The following MYO9A variants were observed in gnomAD, a reference collection of about 807,000 sequenced individuals.
MYO9A encodes myosin IXA.
A neutral mutation model predicts 293.3 loss-of-function variants in MYO9A; 103 were observed. The ratio of observed to expected loss-of-function variants is 0.35; its 90% CI spans 0.30 to 0.41. The LOEUF is 0.41. Ranked by LOEUF, MYO9A falls within the 10% of genes least tolerant of loss-of-function variation. The pLI is 1.00. For synonymous variants in MYO9A, 1,001 were observed against 1,035.7 expected (o/e 0.97, Z 0.64); for missense variants, 2,685 against 3,033.0 (o/e 0.89, Z 2.69).
In MYO9A at chr15:72,013,653, A is replaced by G. The variant is rs185177633; in HGVS notation, c.1156-3206T>C. Among the ~76,000 whole-genome samples, 14 of 152,304 alleles carry G rather than the reference A, an allele frequency of 9.2e-5. No individual in the cohort carries two copies. The East Asian group carries it at 2.1e-3, about 23-fold the overall frequency. On this transcript the variant is annotated intron_variant, in intron 6 of 41. Transcript: ENST00000356056. ...CCTTGCTCTTTCTGTAAGGTGACAC[A>G]CTTTCCCATTTACAAATGCCTAGGA...
At chr15:71,879,329 C>A (rs530214312) in intron 30 of MYO9A, among the ~76,000 whole-genome samples, 1 of 152,150 alleles carries the variant, frequency 6.6e-6, no homozygotes. Context: ...TGCCCTAATT[C>A]CATTAAAAGA....
At chr15:71,906,771 T>C (rs2057665275) in intron 19 of MYO9A, among the ~76,000 whole-genome samples, 1 of 119,682 alleles carries the variant, frequency 8.4e-6, no homozygotes, top group East Asian at 2.2e-4. Flanking sequence ...TTTTTTTTTT[T>C]TTTTTTTCCT....
chr15:72,037,410 T>A (rs1566971235), intron 2 of MYO9A, among the ~76,000 whole-genome samples: 1 of 152,120 alleles, frequency 6.6e-6, no homozygotes, highest in East Asian at 1.9e-4. Flanking sequence ...CCAGGATATG[T>A]CGATGCTCAC....
At chr15:72,003,984 TTACC>T (rs1396336554) in intron 8 of MYO9A, among the ~76,000 whole-genome samples, 3 of 152,124 alleles carry the variant, frequency 2.0e-5, no homozygotes, top group Non-Finnish European at 4.4e-5. Context: ...TGAGTTCTCT[TTACC>T]TAGCACAAAA....
chr15:71,935,153 G>T, intron 17 of MYO9A, 188 bp downstream of exon 17: 1 of 546,382 alleles, frequency 1.8e-6, no homozygotes, highest in Non-Finnish European at 3.0e-6. Context: ...AAAAACACAA[G>T]CTTTATAACA....
rs2078382386 is a variant in MYO9A, at chr15:72,046,274, C to A, written c.290G>T (p.Arg97Leu). The A allele has an allele frequency of 1.2e-6, 2 of 1,613,976 alleles. No homozygotes were observed. The highest frequency in any genetic ancestry group is 2.2e-5 in the East Asian group (1 of 44,878). Residue 97 changes from arginine to leucine, a missense_variant, in exon 2 of 42, where the codon CGC becomes CTC. Transcript: ENST00000356056. Reference sequence around the variant, plus strand: ...GAAGCGGTAGTCCTCTCCACTTAAGCGATTTTCCAGAGCCATTCGGGGCCA... The same window carrying A: ...GAAGCGGTAGTCCTCTCCACTTAAGAGATTTTCCAGAGCCATTCGGGGCCA... The part of the protein sequence containing the change: ...MLWPRMALEN[R>L]LSGEDYRFLL...
intron 18 of MYO9A, among the ~76,000 whole-genome samples, chr15:71,922,508 A>T: frequency 6.6e-6 from 1 of 152,208 alleles, no homozygotes; most frequent in East Asian, 1.9e-4. Flanking sequence ...TATATAATAC[A>T]TTATTATGAA....
At chr15:71,890,589 A>T (rs1337832927) in intron 26 of MYO9A, 1 of 152,206 alleles carries the variant, frequency 6.6e-6, no homozygotes, top group Non-Finnish European at 1.5e-5. Flanking sequence ...ATGGAGTGAG[A>T]GCAGCACATA....
intron 2 of MYO9A, among the ~76,000 whole-genome samples, chr15:72,044,006 A>G (rs1006634725): frequency 6.7e-6 from 1 of 149,206 alleles, no homozygotes; most frequent in Non-Finnish European, 1.5e-5. Flanking sequence ...ATGTTTTCAT[A>G]TATGTCTGCA....
chr15:72,093,223 A>C (rs1312808007), intron 1 of MYO9A, among the ~76,000 whole-genome samples: 1 of 152,192 alleles, frequency 6.6e-6, no homozygotes, highest in Non-Finnish European at 1.5e-5. Flanking sequence ...GAGGGGAAAG[A>C]ATCATTAAAA....
chr15:72,047,697 T>C (rs1046725641), intron 1 of MYO9A, among the ~76,000 whole-genome samples: 1 of 151,926 alleles, frequency 6.6e-6, no homozygotes, highest in African/African-American at 2.4e-5. Context: ...ATATTTACCT[T>C]ATTTATTTCA....
At chr15:71,883,046 T>C (rs937949158) in intron 28 of MYO9A, among the ~76,000 whole-genome samples, 12 of 152,092 alleles carry the variant, frequency 7.9e-5, no homozygotes. Flanking sequence ...TCATGTGATC[T>C]GCCCACCTCA....
chr15:71,898,765 C>A lies in MYO9A; in HGVS notation c.3738G>T (p.Leu1246Phe). 3 of 1,614,098 alleles carry A rather than the reference C, an allele frequency of 1.9e-6. No homozygotes were observed. Among genetic ancestry groups the A allele is most frequent in the Non-Finnish European group, 2.5e-6 (3 of 1,179,968 alleles). The change falls in exon 25 of 42, where the codon TTG becomes TTT. Residue 1246 changes from leucine to phenylalanine, a missense_variant. Leu to Phe is a conservative substitution (Grantham distance 22). This residue lies in a region of MYO9A where 1,434 missense variants were observed against 1,497.7 expected (regional missense o/e 0.96). Coordinates refer to ENST00000356056, the MANE Select transcript of MYO9A (RefSeq NM_006901.4). Reference protein sequence around the residue: ...ERAQSQSGVDLQEDVLVRERP... With the variant: ...ERAQSQSGVDFQEDVLVRERP... The stretch of plus-strand genomic sequence containing the variant: ...TCTCTCTTACAAGCACATCTTCCTG[C>A]AAGTCCACACCACTCTGGCTTTGGG...
chr15:71,829,479 T>C (rs2054631589), intron 40 of MYO9A, among the ~76,000 whole-genome samples: 1 of 151,382 alleles, frequency 6.6e-6, no homozygotes, highest in African/African-American at 2.4e-5. Context: ...TGTCACCCAA[T>C]CCCTGCAACA....
intron 1 of MYO9A, among the ~76,000 whole-genome samples, chr15:72,113,600 T>C (rs1031260169): frequency 6.6e-6 from 1 of 152,184 alleles, no homozygotes; most frequent in African/African-American, 2.4e-5. Context: ...AAGGACATGA[T>C]TTGATTTTTA....
At chr15:71,902,898 A>G (rs2057524362) in intron 22 of MYO9A, 43 bp downstream of exon 22, 1 of 1,399,912 alleles carries the variant, frequency 7.1e-7, no homozygotes, top group Non-Finnish European at 9.6e-7. Flanking sequence ...TTTTTTAAAT[A>G]AATGCACTCA....
chr15:71,962,315 T>C (rs1431422305), intron 13 of MYO9A, among the ~76,000 whole-genome samples: 1 of 152,164 alleles, frequency 6.6e-6, no homozygotes, highest in Admixed American at 6.5e-5. Context: ...ATGAGAAACA[T>C]ACCTAGTATC....
chr15:71,892,551 C>A (rs1210271696), intron 26 of MYO9A: 1 of 154,354 alleles, frequency 6.5e-6, no homozygotes, highest in Non-Finnish European at 1.4e-5. Flanking sequence ...CGGTCATGCC[C>A]ATTTGTTTAC....
At chr15:71,921,977 CT>C (rs955886166) in intron 18 of MYO9A, among the ~76,000 whole-genome samples, 9 of 148,990 alleles carry the variant, frequency 6.0e-5, no homozygotes, top group Non-Finnish European at 9.0e-5. Flanking sequence ...TCTTTTTCTA[CT>C]TTTTTTTTTA....
Sources: allele counts gnomAD v4.1 joint callset (sites outside exome capture counted in the v4.1 genomes callset), GRCh38; gene constraint gnomAD v4.1.1; regional missense constraint gnomAD v4.1.1; transcripts MANE v1.5; gene names NCBI Gene and HGNC (gene_info 2026-07-23, HGNC 2026-07-21).